POLB: variants seen among roughly 807,000 people sequenced by gnomAD.
POLB encodes DNA polymerase beta.
POLB carries 37 observed loss-of-function variants against 52.7 expected under a neutral mutation model. The ratio of observed to expected loss-of-function variants is 0.70; its 90% CI spans 0.54 to 0.92. The LOEUF is 0.92. POLB is among the 40% of genes least tolerant of loss of function. POLB has a pLI of 0.00. For synonymous variants in POLB, 138 were observed against 131.3 expected (o/e 1.05, Z -0.35); for missense variants, 313 against 400.8 (o/e 0.78, Z 1.87).
intron 11 of POLB, among the ~76,000 whole-genome samples, chr8:42,366,855 T>C (rs1824073685): frequency 6.6e-6 from 1 of 152,182 alleles, no homozygotes; most frequent in Admixed American, 6.5e-5. Flanking sequence ...GTGGAAACTT[T>C]GAAGAGTTTG....
At chr8:42,364,394 A>G (rs2130848151) in intron 11 of POLB, among the ~76,000 whole-genome samples, 1 of 151,916 alleles carries the variant, frequency 6.6e-6, no homozygotes, top group Admixed American at 6.6e-5. Context: ...ATACCTGGCT[A>G]ATTTTTGTAT....
intron 9 of POLB, among the ~76,000 whole-genome samples, chr8:42,358,440 T>G (rs1823468624): frequency 6.6e-6 from 1 of 151,930 alleles, no homozygotes; most frequent in Non-Finnish European, 1.5e-5. Context: ...AGGCGGAGCT[T>G]GCAGTGAGCC....
At chr8:42,347,177 T>C (rs1822671502) in intron 3 of POLB, among the ~76,000 whole-genome samples, 1 of 151,934 alleles carries the variant, frequency 6.6e-6, no homozygotes, top group Non-Finnish European at 1.5e-5. Flanking sequence ...ATAAGACTGG[T>C]TGTAAAAATC....
intron 4 of POLB, 147 bp downstream of exon 4, chr8:42,349,237 A>T: frequency 1.9e-6 from 1 of 535,312 alleles, no homozygotes; most frequent in South Asian, 2.7e-5. Context: ...TAACTTTTTG[A>T]ATGTTATTTC....
At chr8:42,364,391 G>A (rs1201719738) in intron 11 of POLB, among the ~76,000 whole-genome samples, 2 of 151,952 alleles carry the variant, frequency 1.3e-5, no homozygotes, top group Admixed American at 6.6e-5. Context: ...ACCATACCTG[G>A]CTAATTTTTG....
chr8:42,354,264 T>C (rs1585891899), intron 6 of POLB, among the ~76,000 whole-genome samples: 1 of 152,214 alleles, frequency 6.6e-6, no homozygotes, highest in Non-Finnish European at 1.5e-5. Context: ...TGTGTGCACA[T>C]AACCATAGGA....
intron 2 of POLB, among the ~76,000 whole-genome samples, chr8:42,340,501 C>G (rs374154334): frequency 1.3e-5 from 2 of 152,280 alleles, no homozygotes; most frequent in East Asian, 1.9e-4. Context: ...ATATTCCAAA[C>G]CCTGAAAAAA....
In POLB at chr8:42,364,537, T is replaced by C. The variant is rs566665312; in HGVS notation, c.708+1839T>C. ...AGCCACTGTGCCCGGGCCTCTTCTTTCTTAAGGTGACATTTAGTGTTCTGT... is the reference window on the plus strand; with the variant it reads ...AGCCACTGTGCCCGGGCCTCTTCTTCCTTAAGGTGACATTTAGTGTTCTGT... On this transcript the variant is annotated intron_variant, in intron 11 of 13. Transcript: ENST00000265421. Among the ~76,000 whole-genome samples the C allele has an allele frequency of 6.6e-5, 10 of 152,306 alleles. No individual in the cohort carries two copies. The South Asian group carries it at 2.1e-3, about 32-fold the overall frequency.
intron 13 of POLB, among the ~76,000 whole-genome samples, chr8:42,370,617 C>T (rs953122029): frequency 1.3e-5 from 2 of 152,148 alleles, no homozygotes; most frequent in African/African-American, 4.8e-5. Context: ...GGGGGCCTCA[C>T]TAAATTCAGA....
intron 4 of POLB, chr8:42,349,296 C>T (rs1822821195): frequency 7.0e-6 from 3 of 431,446 alleles, no homozygotes; most frequent in Admixed American, 8.3e-5. Context: ...CTATTAACAC[C>T]CGTAATAGAG....
At chr8:42,342,691 A>G in intron 2 of POLB, 1 of 470,476 alleles carries the variant, frequency 2.1e-6, no homozygotes, top group Non-Finnish European at 3.9e-6. Context: ...AGGCGGGAGC[A>G]ATTTTTAAAA....
chr8:42,367,944 C>G (rs1824143817), intron 11 of POLB, among the ~76,000 whole-genome samples: 1 of 152,200 alleles, frequency 6.6e-6, no homozygotes, highest in Non-Finnish European at 1.5e-5. Context: ...TAGGAGATAC[C>G]ATGGCTACCC....
At chr8:42,346,313 A>T (rs1464197925) in intron 3 of POLB, among the ~76,000 whole-genome samples, 2 of 152,138 alleles carry the variant, frequency 1.3e-5, no homozygotes, top group African/African-American at 2.4e-5. Flanking sequence ...TCTGGAATTT[A>T]AGAATTAATA....
At chr8:42,351,109 A>G (rs1163021133) in intron 5 of POLB, among the ~76,000 whole-genome samples, 1 of 152,168 alleles carries the variant, frequency 6.6e-6, no homozygotes, top group Non-Finnish European at 1.5e-5. Context: ...TCCTGGCCTC[A>G]AGCCTTCCTC....
chr8:42,359,834 C>T (rs989367443), intron 9 of POLB, among the ~76,000 whole-genome samples: 5 of 151,632 alleles, frequency 3.3e-5, no homozygotes, highest in Admixed American at 1.3e-4. Flanking sequence ...GGTAGGCGGA[C>T]AGTGAAAGAC....
chr8:42,371,786 C>T lies in POLB; in HGVS notation c.*129C>T, dbSNP rs78482127. On this transcript the variant is annotated 3_prime_UTR_variant, in exon 14 of 14. Coordinates refer to ENST00000265421, the MANE Select transcript of POLB (RefSeq NM_002690.3). ...TTCATGCTTTTGCTTGCAATGTAGT[C>T]AATAAAACCTCATGTACTATTATTG... The T allele has an allele frequency of 9.5e-6, 6 of 631,000 alleles. No homozygotes were observed. The East Asian group carries it at 1.7e-4, about 18-fold the overall frequency. 39.1% of individuals were successfully genotyped at this position (631,000 alleles called of 1,614,324 possible). A position where few individuals can be genotyped will look rare whatever the true frequency, so the allele number is the denominator to read the frequency against.
intron 9 of POLB, among the ~76,000 whole-genome samples, chr8:42,360,478 T>C (rs1823607449): frequency 6.6e-6 from 1 of 152,184 alleles, no homozygotes; most frequent in Non-Finnish European, 1.5e-5. Flanking sequence ...CTTTTACATA[T>C]GTTCTTATTT....
rs141666437 is a variant in POLB at position 42,369,887 on chromosome 8, A to G, written c.812A>G (p.Tyr271Cys). Residue 271 changes from tyrosine (Y) to cysteine (C), a missense_variant, in exon 13 of 14, where the codon TAT becomes TGT. By Grantham distance (194) the Tyr-to-Cys change is radical. This residue lies in a region of POLB where 246 missense variants were observed against 297.6 expected (regional missense o/e 0.83). Transcript: ENST00000265421. ...PKDQYYCGVL[Y>C]FTGSDIFNKN... The stretch of plus-strand genomic sequence containing the variant: ...GATCAGTATTACTGTGGTGTTCTCT[A>G]TTTCACTGGGAGTGATATTTTCAAT... The G allele has an allele frequency of 3.1e-6, 5 of 1,606,426 alleles. No homozygotes were observed. The highest frequency in any genetic ancestry group is 1.3e-5 in the African/African-American group (1 of 74,712).
rs893603635 is a variant in POLB, at chr8:42,362,838, G to A, written c.708+140G>A. On this transcript the variant is annotated intron_variant, in intron 11 of 13. Coordinates refer to ENST00000265421, the MANE Select transcript of POLB (RefSeq NM_002690.3). Reference sequence around the variant, plus strand: ...CATGAGACTTTAAAGAAAAATAATAGCAGGGGCCGGGCGCGGTGGCTCACG... The same window carrying A: ...CATGAGACTTTAAAGAAAAATAATAACAGGGGCCGGGCGCGGTGGCTCACG... 30 of 573,360 alleles carry A rather than the reference G, an allele frequency of 5.2e-5. No homozygotes were observed. In the Middle Eastern group the frequency reaches 8.0e-4, roughly 15 times the overall value. 35.5% of individuals were successfully genotyped at this position (573,360 alleles called of 1,614,324 possible).
Sources: gnomAD v4.1 joint callset for allele counts (sites outside exome capture counted in the v4.1 genomes callset) on GRCh38, gnomAD v4.1.1 for gene constraint, gnomAD v4.1.1 regional missense constraint, MANE v1.5 for transcripts, NCBI Gene and HGNC (gene_info 2026-07-23, HGNC 2026-07-21) for gene names.